Variants in DGKI observed in about 807,000 individuals in gnomAD.
DGKI encodes diacylglycerol kinase iota, also known as DAG kinase iota.
A neutral mutation model predicts 147.5 loss-of-function variants in DGKI; 55 were observed. The ratio of observed to expected loss-of-function variants is 0.37; its 90% confidence interval spans 0.30 to 0.47. The LOEUF (loss-of-function observed/expected upper bound fraction) is 0.47. Among genes scored for constraint, DGKI ranks in the 20% least tolerant of loss-of-function variants. The probability of loss-of-function intolerance (pLI) is 1.00; values close to 1 mark genes in which losing one functional copy is unlikely to be tolerated. For missense variants in DGKI, 1,007 were observed against 1,323.8 expected (o/e 0.76, Z 3.71); for synonymous variants, 469 against 477.1 (o/e 0.98, Z 0.22).
chr7:137,846,410 T>C lies in DGKI; in HGVS notation c.401+52A>G. 2 of 1,395,066 alleles carry C rather than the reference T, an allele frequency of 1.4e-6. No individual in the cohort carries two copies. The highest frequency in any genetic ancestry group is 1.5e-5 in the African/African-American group (1 of 67,506). 86.4% of individuals were successfully genotyped at this position (1,395,066 alleles called of 1,614,324 possible). A position where few individuals can be genotyped will look rare whatever the true frequency, so the allele number is the denominator to read the frequency against. ...AAGCGCCCCTTGCTGGGTAGAAGAG[T>C]GGGTCTCCCGCCGCGGCGCACCTGT... On this transcript the variant is annotated intron_variant, in intron 1 of 32. Coordinates refer to ENST00000614521, the MANE Select transcript of DGKI (RefSeq NM_001321708.2). The surrounding 1 kb of genome is among the most constrained non-coding windows in gnomAD (Gnocchi z 4.0).
intron 26 of DGKI, among the ~76,000 whole-genome samples, chr7:137,465,481 A>G (rs982719288): frequency 6.6e-6 from 1 of 152,220 alleles, no homozygotes; most frequent in Non-Finnish European, 1.5e-5. Context: ...GACACAGGAC[A>G]GAGCTCTTAA....
intron 28 of DGKI, among the ~76,000 whole-genome samples, chr7:137,419,049 A>G (rs1288237023): frequency 6.6e-6 from 1 of 152,204 alleles, no homozygotes; most frequent in East Asian, 1.9e-4. Context: ...TTAGCAATCC[A>G]GCTGAGAGAC....
chr7:137,714,971 C>A (rs529551493), intron 1 of DGKI, among the ~76,000 whole-genome samples: 8 of 152,264 alleles, frequency 5.3e-5, no homozygotes, highest in African/African-American at 1.9e-4. Context: ...TCTAGGCATT[C>A]ATATTGTTAT....
intron 20 of DGKI, among the ~76,000 whole-genome samples, chr7:137,539,455 G>A (rs1267679164): frequency 6.6e-6 from 1 of 152,066 alleles, no homozygotes; most frequent in East Asian, 1.9e-4. Flanking sequence ...CATGAATCTA[G>A]CCCTAAACAC....
At chr7:137,488,296 A>G (rs1815640712) in intron 21 of DGKI, among the ~76,000 whole-genome samples, 2 of 152,170 alleles carry the variant, frequency 1.3e-5, no homozygotes, top group African/African-American at 4.8e-5. Flanking sequence ...CAGCTTCTAG[A>G]AGAGGCAAAG....
intron 23 of DGKI, among the ~76,000 whole-genome samples, chr7:137,483,613 C>G (rs1051746599): frequency 6.6e-6 from 1 of 152,028 alleles, no homozygotes; most frequent in Admixed American, 6.6e-5. Flanking sequence ...ACCCTTACAA[C>G]AGGCCCTAGT....
intron 30 of DGKI, among the ~76,000 whole-genome samples, chr7:137,402,104 A>C (rs1306767502): frequency 6.6e-6 from 1 of 152,248 alleles, no homozygotes; most frequent in Non-Finnish European, 1.5e-5. Context: ...TGTAAAAATT[A>C]AATATGATAA....
At position 137,381,934 on chromosome 7, in the gene DGKI, A is replaced by G. The variant is rs1053793809; in HGVS notation, c.*9286T>C. 6.6e-6 allele frequency: 1 copy of G among 152,122 alleles called. No homozygotes were observed. The highest frequency in any genetic ancestry group is 2.4e-5 in the African/African-American group (1 of 41,438). 9.4% of individuals were successfully genotyped at this position (152,122 alleles called of 1,614,324 possible). On this transcript the variant is annotated 3_prime_UTR_variant, in exon 33 of 33. Transcript: ENST00000614521. ...CATCAAAGTTCTACTTGCATTGGAAATTATGCTTGTATGTAATTAGAGTCT... is the reference window on the plus strand; with the variant it reads ...CATCAAAGTTCTACTTGCATTGGAAGTTATGCTTGTATGTAATTAGAGTCT...
chr7:137,785,559 G>C lies in DGKI; in HGVS notation c.401+60903C>G, dbSNP rs867366633. On this transcript the variant is annotated intron_variant, in intron 1 of 32. Transcript: ENST00000614521. ...TCTATCAGACATGTAAAGAAAATTA[G>C]TACCAATCCTATTGACACTATTCCG... is the stretch of plus-strand genomic sequence containing the variant. Among the ~76,000 whole-genome samples the C allele has an allele frequency of 7.3e-5, 11 of 151,580 alleles. No homozygotes were observed. In the South Asian group the frequency reaches 1.9e-3, roughly 26 times the overall value.
intron 27 of DGKI, chr7:137,452,849 G>C (rs1402369469): frequency 1.3e-5 from 2 of 152,110 alleles, no homozygotes; most frequent in Non-Finnish European, 2.9e-5. Context: ...GTCTTTCCTG[G>C]ATAGAACAGC....
intron 1 of DGKI, among the ~76,000 whole-genome samples, chr7:137,710,249 C>T (rs1018595347): frequency 2.0e-5 from 3 of 152,040 alleles, no homozygotes; most frequent in African/African-American, 4.8e-5. Context: ...TCAAAAGTCC[C>T]ACAGGCTTTT....
intron 12 of DGKI, among the ~76,000 whole-genome samples, chr7:137,596,470 A>T (rs1819802347): frequency 2.0e-5 from 3 of 152,134 alleles, no homozygotes; most frequent in African/African-American, 7.2e-5. Flanking sequence ...AAAGTTGGGA[A>T]ATTTTGCCCT....
At chr7:137,779,504 A>G (rs539972758) in intron 1 of DGKI, among the ~76,000 whole-genome samples, 3 of 152,202 alleles carry the variant, frequency 2.0e-5, no homozygotes, top group Non-Finnish European at 4.4e-5. Flanking sequence ...TAAAAATTAC[A>G]TTAAGAAAAT....
intron 28 of DGKI, among the ~76,000 whole-genome samples, chr7:137,418,239 T>A (rs962547327): frequency 6.6e-6 from 1 of 152,182 alleles, no homozygotes; most frequent in Non-Finnish European, 1.5e-5. Flanking sequence ...TTTACCAAGC[T>A]CCAGTTCTAT....
chr7:137,717,722 G>A (rs1794421742), intron 1 of DGKI, among the ~76,000 whole-genome samples: 1 of 152,150 alleles, frequency 6.6e-6, no homozygotes, highest in African/African-American at 2.4e-5. Flanking sequence ...GCGGGGAAGT[G>A]AGGCATGGAG....
At chr7:137,599,445 A>C (rs1252329597) in intron 11 of DGKI, among the ~76,000 whole-genome samples, 2 of 152,142 alleles carry the variant, frequency 1.3e-5, no homozygotes, top group Non-Finnish European at 2.9e-5. Context: ...ATAAACAAAC[A>C]TGGCTCCACC....
chr7:137,480,854 GA>G, intron 23 of DGKI, among the ~76,000 whole-genome samples: 1 of 152,208 alleles, frequency 6.6e-6, no homozygotes. Flanking sequence ...GGGAAATGGG[GA>G]AACCCAGGGT....
chr7:137,406,092 T>G (rs1811936902), intron 30 of DGKI, among the ~76,000 whole-genome samples: 1 of 152,096 alleles, frequency 6.6e-6, no homozygotes, highest in Non-Finnish European at 1.5e-5. Context: ...GGGCACCAAA[T>G]GGCTTAAGGT....
chr7:137,661,341 C>A (rs1001090011), intron 3 of DGKI, among the ~76,000 whole-genome samples: 5 of 152,256 alleles, frequency 3.3e-5, no homozygotes, highest in Admixed American at 1.3e-4. Context: ...GCACCTCACT[C>A]CAGAATTCCC....
Sources: gnomAD v4.1 joint callset for allele counts (sites outside exome capture counted in the v4.1 genomes callset) on GRCh38, gnomAD v4.1.1 for gene constraint, Gnocchi (gnomAD v3.1) non-coding constraint, MANE v1.5 for transcripts, NCBI Gene and HGNC (gene_info 2026-07-23, HGNC 2026-07-21) for gene names.